Variants in CDC23 observed in about 807,000 individuals in gnomAD.
CDC23 encodes cell division cycle protein 23 homolog.
Under a neutral mutation model 81.7 loss-of-function variants are expected in CDC23, and 26 were observed. The ratio of observed to expected loss-of-function variants is 0.32; its 90% CI spans 0.23 to 0.44. The LOEUF (loss-of-function observed/expected upper bound fraction) is 0.44. Among genes scored for constraint, CDC23 ranks in the 20% least tolerant of loss-of-function variants. CDC23 has a pLI of 1.00. For missense variants in CDC23, 519 were observed against 728.0 expected (o/e 0.71, Z 3.30); for synonymous variants, 267 against 270.8 (o/e 0.99, Z 0.14).
At position 138,189,119 on chromosome 5, in the gene CDC23, C is replaced by T; in HGVS notation, c.1653G>A (p.Arg551=). The stretch of plus-strand genomic sequence containing the variant: ...CTTGGTTCCGAAGCTGTAGGATTTG[C>T]CGGAGTAAGGCCTTACCTTCTTCCC... ...DTREEGKALL[R]QILQLRNQGE... is the part of the protein sequence containing the mutation. Residue 551 remains arginine (R), a synonymous_variant, in exon 16 of 16, where the codon CGG becomes CGA. Coordinates refer to ENST00000394886, the MANE Select transcript of CDC23 (RefSeq NM_004661.4). The T allele has an allele frequency of 6.2e-7, 1 of 1,613,964 alleles. No homozygotes were observed.
Position 138,206,694 on chromosome 5 carries a change from A to C in CDC23, c.235-10T>G, listed in dbSNP as rs1755053400. ...TATCCTGGGCATCTTCCTAAAAAAG[A>C]AACAAGCTTATGTAAGTGGTTGGGA... On this transcript the variant is annotated splice_polypyrimidine_tract_variant and intron_variant, in intron 2 of 15. Coordinates refer to ENST00000394886, the MANE Select transcript of CDC23 (RefSeq NM_004661.4). 2 of 1,607,736 alleles carry C rather than the reference A, an allele frequency of 1.2e-6. No homozygotes were observed. Among genetic ancestry groups the C allele is most frequent in the Non-Finnish European group, 1.7e-6 (2 of 1,177,182 alleles).
chr5:138,191,190 ACT>A (rs1754823262), intron 13 of CDC23, among the ~76,000 whole-genome samples: 1 of 151,956 alleles, frequency 6.6e-6, no homozygotes. Context: ...ATCTCGGCTC[ACT>A]GCAACCTCCA....
In CDC23 at chr5:138,213,289, G is replaced by A. The variant is rs777225471; in HGVS notation, c.24C>T (p.Val8=). Residue 8 remains valine (V), a synonymous_variant, in exon 1 of 16, where the codon GTC becomes GTT. Transcript: ENST00000394886. Reference sequence around the variant, plus strand: ...CCACTGCCGCCGTCACAGCCACCGGGACCATGGAGGTACTCGCAGCCATTT... The same window carrying A: ...CCACTGCCGCCGTCACAGCCACCGGAACCATGGAGGTACTCGCAGCCATTT... MAASTSM[V]PVAVTAAVAP... is the part of the protein sequence containing the mutation. The A allele has an allele frequency of 1.2e-6, 2 of 1,613,854 alleles. No individual in the cohort carries two copies. Among genetic ancestry groups the A allele is most frequent in the South Asian group, 2.2e-5 (2 of 91,060 alleles).
In CDC23 at chr5:138,192,002, A is replaced by T. The variant is rs375890768; in HGVS notation, c.1287-65T>A. 3.5e-4 allele frequency: 457 copies of T among 1,311,000 alleles called. 3 individuals are homozygous for T. In the Middle Eastern group the frequency reaches 9.7e-3, roughly 28 times the overall value. The allele number at this position is 1,311,000 out of a possible 1,614,324, so 81.2% of individuals were successfully genotyped here. A position where few individuals can be genotyped will look rare whatever the true frequency, so the allele number is the denominator to read the frequency against. On this transcript the variant is annotated intron_variant, in intron 11 of 15. Transcript: ENST00000394886. ...AGAAACTGAAGTTCTCTTTTGAGGA[A>T]CCAGTACACCACTATTTCAAATCTA...
chr5:138,194,410 G>T (rs1754860503), intron 9 of CDC23, among the ~76,000 whole-genome samples: 1 of 152,128 alleles, frequency 6.6e-6, no homozygotes, highest in African/African-American at 2.4e-5. Flanking sequence ...GACAGAGAGA[G>T]ACCGTGTCTC....
chr5:138,194,718 CTTTTTTTTT>C (rs926814787), intron 9 of CDC23, among the ~76,000 whole-genome samples: 1 of 118,790 alleles, frequency 8.4e-6, no homozygotes, highest in African/African-American at 3.1e-5. Flanking sequence ...TTTTTGGTGT[CTTTTTTTTT>C]TTTTTTTTTT....
At chr5:138,196,111 C>T (rs1283897283) in intron 9 of CDC23, among the ~76,000 whole-genome samples, 2 of 151,424 alleles carry the variant, frequency 1.3e-5, no homozygotes, top group African/African-American at 2.4e-5. Context: ...ATGTTCCCCG[C>T]TCTGATTTTT....
At chr5:138,208,649 C>A (rs1430476881) in intron 2 of CDC23, among the ~76,000 whole-genome samples, 1 of 152,028 alleles carries the variant, frequency 6.6e-6, no homozygotes, top group Non-Finnish European at 1.5e-5. Context: ...TCGTAACAGT[C>A]GATATATCCT....
At chr5:138,194,462 T>A (rs553298394) in intron 9 of CDC23, among the ~76,000 whole-genome samples, 2 of 152,094 alleles carry the variant, frequency 1.3e-5, no homozygotes, top group South Asian at 4.2e-4. Flanking sequence ...TAAGACTAAA[T>A]ATTGCAAGAA....
chr5:138,188,760 G>A lies in CDC23; in HGVS notation c.*218C>T. ...CTATAGCCACTCTTTGGACATAAGT[G>A]AGACAGAAGTACTTCTAACTGGCAA... is the stretch of plus-strand genomic sequence containing the variant. On this transcript the variant is annotated 3_prime_UTR_variant, in exon 16 of 16. Coordinates refer to ENST00000394886, the MANE Select transcript of CDC23 (RefSeq NM_004661.4). 1 of 413,466 alleles carries A rather than the reference G, an allele frequency of 2.4e-6. No homozygotes were observed. Among genetic ancestry groups the A allele is most frequent in the Non-Finnish European group, 4.3e-6 (1 of 234,024 alleles). The allele number at this position is 413,466 out of a possible 1,614,324, so 25.6% of individuals were successfully genotyped here. A position where few individuals can be genotyped will look rare whatever the true frequency, so the allele number is the denominator to read the frequency against.
At chr5:138,194,101 G>A (rs546020782) in intron 9 of CDC23, among the ~76,000 whole-genome samples, 2 of 152,248 alleles carry the variant, frequency 1.3e-5, no homozygotes, top group South Asian at 2.1e-4. Context: ...ATCAACTGGT[G>A]AATAAACAAA....
At position 138,198,699 on chromosome 5, in the gene CDC23, C is replaced by T; in HGVS notation, c.738G>A (p.Glu246=). 6.2e-7 allele frequency: 1 copy of T among 1,614,084 alleles called. No homozygotes were observed. The highest frequency in any genetic ancestry group is 8.5e-7 in the Non-Finnish European group (1 of 1,180,006). ...TGAGATTCTGATACTTTTGCAGGGCCTCCTCTATCAACTGCAACTCTGTGT... is the reference window on the plus strand; with the variant it reads ...TGAGATTCTGATACTTTTGCAGGGCTTCCTCTATCAACTGCAACTCTGTGT... The part of the protein sequence containing the change: ...HIYTELQLIE[E]ALQKYQNLID... Residue 246 remains glutamate (E), a synonymous_variant, in exon 7 of 16, where the codon GAG becomes GAA. Transcript: ENST00000394886.
intron 2 of CDC23, 37 bp from the exon 3 acceptor site, chr5:138,206,721 T>C: frequency 6.4e-7 from 1 of 1,567,894 alleles, no homozygotes; most frequent in Non-Finnish European, 8.6e-7. Context: ...TGGTTGGGAA[T>C]AGGACAACAA....
intron 9 of CDC23, among the ~76,000 whole-genome samples, chr5:138,195,774 G>GTA (rs1238328252): frequency 2.0e-4 from 22 of 108,894 alleles, no homozygotes; most frequent in African/African-American, 2.8e-4. Context: ...TTATATATGT[G>GTA]TATATATACA....
At chr5:138,206,456 T>C (rs892013759) in intron 3 of CDC23, 91 bp downstream of exon 3, 9 of 1,341,818 alleles carry the variant, frequency 6.7e-6, no homozygotes, top group Non-Finnish European at 8.6e-6. Flanking sequence ...AGTGGCCCAC[T>C]GCTAAGCTAT....
Position 138,192,402 on chromosome 5 carries a change from A to G in CDC23, c.1167-14T>C. 1 of 1,614,186 alleles carries G rather than the reference A, an allele frequency of 6.2e-7. No individual in the cohort carries two copies. On this transcript the variant is annotated splice_polypyrimidine_tract_variant and intron_variant, in intron 10 of 15. Coordinates refer to ENST00000394886, the MANE Select transcript of CDC23 (RefSeq NM_004661.4). ...TCAATGGCATGTCTAAGAAATGGAA[A>G]AGACAGGTTGTTAAGAAGGCAGAAT...
At chr5:138,197,359 C>G (rs1047161993) in intron 9 of CDC23, among the ~76,000 whole-genome samples, 6 of 133,890 alleles carry the variant, frequency 4.5e-5, no homozygotes, top group Non-Finnish European at 6.4e-5. Context: ...AAAAATAATA[C>G]AAGTTTAAAT....
intron 9 of CDC23, among the ~76,000 whole-genome samples, 166 bp from the exon 10 acceptor site, chr5:138,192,823 A>G (rs1393939712): frequency 6.6e-6 from 1 of 152,204 alleles, no homozygotes; most frequent in South Asian, 2.1e-4. Flanking sequence ...CTTGGGAAAT[A>G]TATTTCATCT....
intron 3 of CDC23, among the ~76,000 whole-genome samples, chr5:138,203,677 C>T (rs182815550): frequency 7.9e-5 from 12 of 152,064 alleles, no homozygotes; most frequent in African/African-American, 2.4e-4. Flanking sequence ...TTTGGGAGGC[C>T]GAGGCACGCC....
Sources: gnomAD v4.1 joint callset for allele counts (sites outside exome capture counted in the v4.1 genomes callset) on GRCh38, gnomAD v4.1.1 for gene constraint, MANE v1.5 for transcripts, NCBI Gene and HGNC (gene_info 2026-07-23, HGNC 2026-07-21) for gene names.